The following TENM2 variants were observed in gnomAD, a reference collection of about 807,000 sequenced individuals.
TENM2 encodes the protein teneurin-2.
Under a neutral mutation model 245.2 loss-of-function variants are expected in TENM2, and 52 were observed. That is an observed-to-expected ratio of 0.21 (90% confidence interval 0.17 to 0.27). TENM2 has a LOEUF of 0.27. Ranked by LOEUF, TENM2 falls within the 10% of genes least tolerant of loss-of-function variation. TENM2 has a pLI of 1.00. For synonymous variants in TENM2, 1,363 were observed against 1,438.9 expected (o/e 0.95, Z 1.19); for missense variants, 3,046 against 3,666.8 (o/e 0.83, Z 4.37).
chr5:167,410,893 A>C (rs1762873923), intron 2 of TENM2, among the ~76,000 whole-genome samples: 1 of 151,976 alleles, frequency 6.6e-6, no homozygotes, highest in Non-Finnish European at 1.5e-5. Context: ...ATAAGCAGCT[A>C]CTCCTGCATG....
intron 1 of TENM2, among the ~76,000 whole-genome samples, chr5:167,315,763 T>A (rs903024983): frequency 1.4e-4 from 22 of 152,214 alleles, no homozygotes; most frequent in Non-Finnish European, 2.8e-4. Context: ...ACAGAATGAA[T>A]AGCTGAAGTG....
At chr5:167,270,878 C>T in the TENM2 span, among the ~76,000 whole-genome samples, 2 of 152,112 alleles carry the variant, frequency 1.3e-5, no homozygotes, top group Non-Finnish European at 2.9e-5. Context: ...TCAGAATTTA[C>T]ATTTTCCCAT....
chr5:167,657,592 G>A (rs1399428327), intron 2 of TENM2, among the ~76,000 whole-genome samples: 1 of 152,116 alleles, frequency 6.6e-6, no homozygotes, highest in Non-Finnish European at 1.5e-5. Flanking sequence ...GAAGCATAAA[G>A]CTTAATACAA....
intron 1 of TENM2, among the ~76,000 whole-genome samples, chr5:167,358,671 T>C (rs1307314841): frequency 1.3e-5 from 2 of 151,888 alleles, no homozygotes; most frequent in Non-Finnish European, 2.9e-5. Flanking sequence ...AGTATGTACA[T>C]GGCAATGACT....
intron 3 of TENM2, among the ~76,000 whole-genome samples, chr5:167,947,042 G>A (rs530896701): frequency 1.1e-4 from 17 of 152,212 alleles, no homozygotes; most frequent in Admixed American, 3.3e-4. Context: ...TCCTGGCCAC[G>A]TCACTTAGTC....
At chr5:167,635,016 T>G (rs951825662) in intron 2 of TENM2, among the ~76,000 whole-genome samples, 8 of 152,210 alleles carry the variant, frequency 5.3e-5, no homozygotes, top group African/African-American at 1.9e-4. Flanking sequence ...CTCAACTGGG[T>G]ACCCCTACAG....
At chr5:167,552,246 C>A (rs1372443057) in intron 2 of TENM2, among the ~76,000 whole-genome samples, 37 of 152,142 alleles carry the variant, frequency 2.4e-4, no homozygotes. Context: ...TCCTAAAGTT[C>A]AAGCTGCATA....
At chr5:168,013,599 G>A (rs968617033) in intron 5 of TENM2, among the ~76,000 whole-genome samples, 1 of 113,896 alleles carries the variant, frequency 8.8e-6, no homozygotes. Context: ...GCAAGACTCT[G>A]TCTCAACAAA....
At chr5:167,505,634 A>C (rs1352713999) in intron 2 of TENM2, among the ~76,000 whole-genome samples, 1 of 152,198 alleles carries the variant, frequency 6.6e-6, no homozygotes, top group East Asian at 1.9e-4. Context: ...TGGGAGTGGT[A>C]CAAACTGAGT....
intron 2 of TENM2, among the ~76,000 whole-genome samples, chr5:167,862,829 C>T (rs1654790010): frequency 6.6e-6 from 1 of 152,150 alleles, no homozygotes; most frequent in Non-Finnish European, 1.5e-5. Context: ...AATCTCGACC[C>T]AATTGTTGAT....
rs185828303 is a variant in TENM2 at position 168,243,579 on chromosome 5, A to G, written c.5521-841A>G. ...TCTAGGTAACTTTACTTAAGATTTCATAAGAAATTATGGCACCTGTTCTTA... is the reference window on the plus strand; with the variant it reads ...TCTAGGTAACTTTACTTAAGATTTCGTAAGAAATTATGGCACCTGTTCTTA... On this transcript the variant is annotated intron_variant, in intron 25 of 28. Coordinates refer to ENST00000518659, the Ensembl canonical transcript of TENM2. Among the ~76,000 whole-genome samples, 6 of 152,354 alleles carry G rather than the reference A, an allele frequency of 3.9e-5. No homozygotes were observed. In the East Asian group the frequency reaches 1.2e-3, roughly 29 times the overall value.
At chr5:167,452,965 A>ACTT (rs1561968317) in intron 2 of TENM2, among the ~76,000 whole-genome samples, 1 of 64,354 alleles carries the variant, frequency 1.6e-5, no homozygotes, top group South Asian at 7.1e-4. Flanking sequence ...ATATATATTT[A>ACTT]AAAAAAAAAA....
At chr5:168,115,687 A>G (rs144518976) in intron 9 of TENM2, among the ~76,000 whole-genome samples, 1 of 152,244 alleles carries the variant, frequency 6.6e-6, no homozygotes, top group African/African-American at 2.4e-5. Flanking sequence ...GCTGTTTTTT[A>G]TTTCAGTGCA....
chr5:168,152,413 A>C (rs1022257799), intron 12 of TENM2, among the ~76,000 whole-genome samples: 1 of 152,182 alleles, frequency 6.6e-6, no homozygotes, highest in African/African-American at 2.4e-5. Context: ...CTGATTTTAC[A>C]CTAGTTAAAA....
At chr5:167,094,982 G>T in the TENM2 span, among the ~76,000 whole-genome samples, 19 of 152,252 alleles carry the variant, frequency 1.2e-4, no homozygotes, top group Admixed American at 2.0e-4. Context: ...ATGAAGACAT[G>T]GTCCCTACCT....
Position 167,424,255 on chromosome 5 carries a change from G to A in TENM2, c.502+48782G>A, listed in dbSNP as rs188568937. 5.9e-5 allele frequency among the ~76,000 whole-genome samples: 9 copies of A among 152,102 alleles called. No individual in the cohort carries two copies. In the South Asian group the frequency reaches 1.9e-3, roughly 32 times the overall value. On this transcript the variant is annotated intron_variant, in intron 2 of 28. Transcript: ENST00000518659. ...CCGTTTACCCAGGCAGAATAAATCA[G>A]TTCCTTTCTGCAGCAGCCCCAGAGT...
intron 7 of TENM2, among the ~76,000 whole-genome samples, chr5:168,065,375 A>G (rs537996121): frequency 6.6e-6 from 1 of 152,302 alleles, no homozygotes; most frequent in Non-Finnish European, 1.5e-5. Flanking sequence ...AGACTCTGCC[A>G]CACATTAACC....
intron 12 of TENM2, among the ~76,000 whole-genome samples, chr5:168,146,235 C>G (rs1028114337): frequency 6.6e-6 from 1 of 151,854 alleles, no homozygotes; most frequent in Non-Finnish European, 1.5e-5. Context: ...TTATATAAAA[C>G]GTGCACATAT....
At chr5:167,389,447 A>AT (rs139996020) in intron 2 of TENM2, among the ~76,000 whole-genome samples, 21 of 151,550 alleles carry the variant, frequency 1.4e-4, no homozygotes, top group East Asian at 5.8e-4. Flanking sequence ...ATATAGCATT[A>AT]TTTTTTTTGG....
Sources: gnomAD v4.1 joint callset for allele counts (sites outside exome capture counted in the v4.1 genomes callset) on GRCh38, gnomAD v4.1.1 for gene constraint, MANE v1.5 for transcripts, NCBI Gene and HGNC (gene_info 2026-07-23, HGNC 2026-07-21) for gene names.